Variants in LDLRAD4 observed in about 807,000 individuals in gnomAD.
LDLRAD4 encodes the protein low density lipoprotein receptor class A domain containing 4.
LDLRAD4 carries 5 observed loss-of-function variants against 17.0 expected under a neutral mutation model. The ratio of observed to expected loss-of-function variants is 0.29; its 90% CI spans 0.15 to 0.62. The LOEUF (loss-of-function observed/expected upper bound fraction) is 0.62. Ranked by LOEUF, LDLRAD4 falls within the 20% of genes least tolerant of loss-of-function variation. LDLRAD4 has a pLI of 0.84. For synonymous variants in LDLRAD4, 168 were observed against 171.8 expected (o/e 0.98, Z 0.17); for missense variants, 340 against 424.7 (o/e 0.80, Z 1.75).
intron 3 of LDLRAD4, among the ~76,000 whole-genome samples, chr18:13,550,477 T>A (rs1443830240): frequency 6.6e-6 from 1 of 152,204 alleles, no homozygotes; most frequent in East Asian, 1.9e-4. Context: ...TCGGAATAAG[T>A]CAAAGCTCGA....
chr18:13,555,262 A>G (rs762727986), intron 3 of LDLRAD4, among the ~76,000 whole-genome samples: 2 of 152,232 alleles, frequency 1.3e-5, no homozygotes, highest in Non-Finnish European at 2.9e-5. Flanking sequence ...ACTTTAGTTA[A>G]CTTTTTAAAA....
chr18:13,456,026 G>A (rs533284199), intron 3 of LDLRAD4, among the ~76,000 whole-genome samples: 2 of 152,264 alleles, frequency 1.3e-5, no homozygotes, highest in African/African-American at 2.4e-5. Context: ...GTTAGGAAAC[G>A]TGTCCTTGCT....
chr18:13,635,845 G>A (rs759485305), intron 4 of LDLRAD4, among the ~76,000 whole-genome samples: 2 of 152,208 alleles, frequency 1.3e-5, no homozygotes, highest in Non-Finnish European at 2.9e-5. Context: ...TGCCCTTGGG[G>A]GCAACTTCCA....
rs111309677 is a variant in LDLRAD4 at position 13,564,510 on chromosome 18, G to A, written c.182-56607G>A. Among the ~76,000 whole-genome samples the A allele has an allele frequency of 3.6e-3, 512 of 140,988 alleles. 2 individuals carry two copies. The highest frequency in any genetic ancestry group is 0.013 in the African/African-American group (495 of 37,070). The allele number at this position is 140,988 out of a possible 152,430, so 92.5% of individuals were successfully genotyped here. A position where few individuals can be genotyped will look rare whatever the true frequency, so the allele number is the denominator to read the frequency against. On this transcript the variant is annotated intron_variant, in intron 3 of 5. Transcript: ENST00000359446. ...CTTAGTGCTCTGAGAACCTTTCCTC[G>A]CCTCACCTGCTCTCCTTGGTTTTTC...
chr18:13,565,643 G>A (rs2094590938), intron 3 of LDLRAD4, among the ~76,000 whole-genome samples: 2 of 152,230 alleles, frequency 1.3e-5, no homozygotes, highest in South Asian at 2.1e-4. Flanking sequence ...CTGTCAACAA[G>A]CAGACAGACA....
At chr18:13,342,567 G>T (rs1444234784) in intron 1 of LDLRAD4, among the ~76,000 whole-genome samples, 3 of 137,174 alleles carry the variant, frequency 2.2e-5, no homozygotes, top group Non-Finnish European at 3.1e-5. Context: ...TATTATAAAA[G>T]GAATTATATA....
At chr18:13,249,619 G>A (rs1390671666) in intron 1 of LDLRAD4, among the ~76,000 whole-genome samples, 1 of 150,806 alleles carries the variant, frequency 6.6e-6, no homozygotes, top group East Asian at 1.9e-4. Flanking sequence ...CTGTTGAAAT[G>A]TTTGAGTTCC....
chr18:13,280,705 G>A (rs2045214964), intron 1 of LDLRAD4, among the ~76,000 whole-genome samples: 1 of 152,194 alleles, frequency 6.6e-6, no homozygotes, highest in Non-Finnish European at 1.5e-5. Flanking sequence ...AGATCTGGCT[G>A]GCTGTCAGCA....
intron 3 of LDLRAD4, among the ~76,000 whole-genome samples, chr18:13,609,918 G>T (rs936380545): frequency 6.6e-6 from 1 of 152,178 alleles, no homozygotes; most frequent in Non-Finnish European, 1.5e-5. Context: ...GGAGACAGAG[G>T]TTGCAGTAAT....
chr18:13,460,171 T>C (rs1226611862), intron 3 of LDLRAD4: 1 of 152,530 alleles, frequency 6.6e-6, no homozygotes, highest in Non-Finnish European at 1.5e-5. Context: ...TAATGAACAT[T>C]ATTTTCCTAA....
chr18:13,254,811 A>C (rs538380565), intron 1 of LDLRAD4, among the ~76,000 whole-genome samples: 3 of 152,260 alleles, frequency 2.0e-5, no homozygotes, highest in African/African-American at 4.8e-5. Flanking sequence ...AAAAGCCCCC[A>C]AAATTAGCTG....
intron 1 of LDLRAD4, among the ~76,000 whole-genome samples, chr18:13,280,543 G>C (rs776141985): frequency 1.2e-4 from 18 of 152,176 alleles, no homozygotes; most frequent in Non-Finnish European, 2.2e-4. Context: ...AGTTTGCTAA[G>C]GAATTTCACA....
chr18:13,320,408 T>C (rs1001936184), intron 1 of LDLRAD4, among the ~76,000 whole-genome samples: 2 of 152,200 alleles, frequency 1.3e-5, no homozygotes, highest in African/African-American at 2.4e-5. Flanking sequence ...CATCCTTTAA[T>C]TGAGGGAAGA....
At chr18:13,396,592 T>C (rs2086715174) in intron 2 of LDLRAD4, among the ~76,000 whole-genome samples, 1 of 152,180 alleles carries the variant, frequency 6.6e-6, no homozygotes, top group South Asian at 2.1e-4. Flanking sequence ...CAAGTGATCC[T>C]CCCGTCTTGG....
At chr18:13,637,172 T>C (rs1167992046) in intron 4 of LDLRAD4, among the ~76,000 whole-genome samples, 1 of 152,116 alleles carries the variant, frequency 6.6e-6, no homozygotes, top group African/African-American at 2.4e-5. Flanking sequence ...TGTGACCTCA[T>C]GACATCAAGA....
intron 3 of LDLRAD4, among the ~76,000 whole-genome samples, chr18:13,446,401 C>T (rs895145084): frequency 2.0e-5 from 3 of 152,128 alleles, no homozygotes; most frequent in Admixed American, 6.5e-5. Flanking sequence ...TCAAACCAAC[C>T]GTCTTCTGTT....
At chr18:13,335,012 T>A (rs1407224733) in intron 1 of LDLRAD4, among the ~76,000 whole-genome samples, 2 of 152,198 alleles carry the variant, frequency 1.3e-5, no homozygotes, top group African/African-American at 2.4e-5. Flanking sequence ...ATATTTTCTG[T>A]CTTATAGTTT....
At chr18:13,418,479 A>AC (rs1268899776) in intron 2 of LDLRAD4, among the ~76,000 whole-genome samples, 1 of 151,686 alleles carries the variant, frequency 6.6e-6, no homozygotes, top group Non-Finnish European at 1.5e-5. Flanking sequence ...TGCCCTGAAG[A>AC]CTCTGGTTGT....
intron 3 of LDLRAD4, among the ~76,000 whole-genome samples, chr18:13,458,049 G>A (rs2092236801): frequency 6.6e-6 from 1 of 152,188 alleles, no homozygotes; most frequent in African/African-American, 2.4e-5. Context: ...TCCTAATGGT[G>A]AGTTCGGTAG....
Sources: allele counts gnomAD v4.1 joint callset (sites outside exome capture counted in the v4.1 genomes callset), GRCh38; gene constraint gnomAD v4.1.1; transcripts MANE v1.5; gene names NCBI Gene and HGNC (gene_info 2026-07-23, HGNC 2026-07-21).